ATP10B: variants seen among roughly 807,000 people sequenced by gnomAD.
ATP10B encodes ATPase phospholipid transporting 10B (putative), also known as phospholipid-transporting ATPase VB.
In ATP10B, 122 loss-of-function variants were observed where a neutral mutation model predicts 141.2. That is an observed-to-expected ratio of 0.86 (90% confidence interval 0.75 to 1.00). The LOEUF (loss-of-function observed/expected upper bound fraction) is 1.00. Among genes scored for constraint, ATP10B ranks in the 50% least tolerant of loss-of-function variants. The probability of loss-of-function intolerance (pLI) is 0.00; values close to 1 mark genes in which losing one functional copy is unlikely to be tolerated. For synonymous variants in ATP10B, 685 were observed against 692.0 expected, an observed-to-expected ratio of 0.99 and a Z score of 0.16; for missense variants, 1,876 against 1,825.3, an observed-to-expected ratio of 1.03 and a Z score of -0.51.
At position 160,586,276 on chromosome 5, in the gene ATP10B, G is replaced by C. The variant is rs570933164; in HGVS notation, c.3750+3316C>G. 2.0e-5 allele frequency among the ~76,000 whole-genome samples: 3 copies of C among 152,270 alleles called. No individual in the cohort carries two copies. In the East Asian group the frequency reaches 5.8e-4, roughly 29 times the overall value. On this transcript the variant is annotated intron_variant, in intron 24 of 25. Transcript: ENST00000327245. ...AGTTTGCTGAGGATAATGGCTTCCA[G>C]CTTCATCTATGTCCCTGCAAAAGAC...
chr5:160,871,897 CTG>C, the ATP10B span, among the ~76,000 whole-genome samples: 336 of 152,200 alleles, frequency 2.2e-3, no homozygotes, highest in African/African-American at 7.8e-3. Context: ...TTATTTTCCT[CTG>C]TGTAGACATC....
intron 1 of ATP10B, among the ~76,000 whole-genome samples, chr5:160,792,897 C>T (rs535736131): frequency 6.6e-6 from 1 of 152,116 alleles, no homozygotes; most frequent in East Asian, 1.9e-4. Flanking sequence ...ACCTAAAACA[C>T]TCAACTGAAC....
the ATP10B span, among the ~76,000 whole-genome samples, chr5:160,887,184 G>A: frequency 6.6e-6 from 1 of 152,114 alleles, no homozygotes; most frequent in Non-Finnish European, 1.5e-5. Context: ...GACCTCCTTT[G>A]GATACCAAAA....
the ATP10B span, among the ~76,000 whole-genome samples, chr5:160,920,760 C>T: frequency 2.4e-3 from 369 of 152,254 alleles, 2 homozygotes; most frequent in African/African-American, 8.3e-3. Context: ...CTTTGGAGAG[C>T]TTGGCAAAAA....
At chr5:160,615,283 C>T (rs1471816574) in intron 17 of ATP10B, among the ~76,000 whole-genome samples, 1 of 152,028 alleles carries the variant, frequency 6.6e-6, no homozygotes, top group African/African-American at 2.4e-5. Context: ...TCCTCCTCCT[C>T]TGCCTAACCA....
chr5:160,697,561 T>A (rs994777543), intron 3 of ATP10B, among the ~76,000 whole-genome samples: 4 of 150,100 alleles, frequency 2.7e-5, no homozygotes, highest in Admixed American at 2.7e-4. Flanking sequence ...GCTGACTTCC[T>A]CTAGAGAGAA....
chr5:160,684,874 T>A, intron 6 of ATP10B: 1 of 702,598 alleles, frequency 1.4e-6, no homozygotes. Flanking sequence ...GATGACTTTA[T>A]CCGATTTGTA....
At chr5:160,782,961 A>T (rs543707124) in intron 2 of ATP10B, among the ~76,000 whole-genome samples, 1 of 152,270 alleles carries the variant, frequency 6.6e-6, no homozygotes, top group South Asian at 2.1e-4. Flanking sequence ...ATATACACAT[A>T]TATTACAAAT....
intron 1 of ATP10B, among the ~76,000 whole-genome samples, chr5:160,798,398 A>G (rs1288582302): frequency 6.6e-6 from 1 of 152,222 alleles, no homozygotes; most frequent in East Asian, 1.9e-4. Flanking sequence ...CCCTAACCCA[A>G]TGACTTGTGA....
chr5:160,765,834 C>G (rs773747717), intron 2 of ATP10B, among the ~76,000 whole-genome samples: 1 of 151,882 alleles, frequency 6.6e-6, no homozygotes, highest in African/African-American at 2.4e-5. Flanking sequence ...CCAGAATCTA[C>G]AAGAAATCTG....
chr5:160,793,456 A>C (rs1014849686), intron 1 of ATP10B, among the ~76,000 whole-genome samples: 1 of 152,200 alleles, frequency 6.6e-6, no homozygotes, highest in African/African-American at 2.4e-5. Context: ...ACAGAATTTA[A>C]CTATCCATTA....
chr5:160,731,572 T>C (rs1766741748), intron 2 of ATP10B, among the ~76,000 whole-genome samples: 1 of 152,200 alleles, frequency 6.6e-6, no homozygotes, highest in Non-Finnish European at 1.5e-5. Context: ...GGGAGTTTCA[T>C]GGAGTGAGTT....
intron 6 of ATP10B, chr5:160,684,685 T>A: frequency 1.8e-6 from 1 of 544,200 alleles, no homozygotes; most frequent in Non-Finnish European, 3.2e-6. Context: ...TTGTAGACTA[T>A]AAAGCTCACT....
At chr5:160,751,134 G>A (rs983831282) in intron 2 of ATP10B, among the ~76,000 whole-genome samples, 5 of 152,176 alleles carry the variant, frequency 3.3e-5, no homozygotes, top group Non-Finnish European at 7.3e-5. Context: ...CACAGCATGT[G>A]CATTATTAAG....
chr5:160,821,350 T>G (rs937440468), intron 1 of ATP10B, among the ~76,000 whole-genome samples: 1 of 151,944 alleles, frequency 6.6e-6, no homozygotes, highest in Non-Finnish European at 1.5e-5. Flanking sequence ...AAACAGCTGA[T>G]GTAAGAAATT....
intron 24 of ATP10B, among the ~76,000 whole-genome samples, chr5:160,576,829 C>T (rs1259052173): frequency 6.6e-6 from 1 of 152,112 alleles, no homozygotes; most frequent in African/African-American, 2.4e-5. Flanking sequence ...CCAGCAGGAC[C>T]CAGATATTAC....
At chr5:160,869,168 G>C in the ATP10B span, among the ~76,000 whole-genome samples, 1 of 152,104 alleles carries the variant, frequency 6.6e-6, no homozygotes. Context: ...TGACATATGT[G>C]TGTACACATA....
the ATP10B span, among the ~76,000 whole-genome samples, chr5:160,905,643 G>T: frequency 3.9e-5 from 6 of 151,958 alleles, no homozygotes; most frequent in Non-Finnish European, 7.4e-5. Context: ...AAGTAAAAAA[G>T]ATCATTTATA....
chr5:160,749,141 A>T (rs1465479903), intron 2 of ATP10B, among the ~76,000 whole-genome samples: 1 of 152,154 alleles, frequency 6.6e-6, no homozygotes, highest in Admixed American at 6.5e-5. Flanking sequence ...AGAGAACATA[A>T]AGTACTATAT....
Sources: gnomAD v4.1 joint callset for allele counts (sites outside exome capture counted in the v4.1 genomes callset) on GRCh38, gnomAD v4.1.1 for gene constraint, MANE v1.5 for transcripts, NCBI Gene and HGNC (gene_info 2026-07-23, HGNC 2026-07-21) for gene names.